Variants in ZBTB7C observed in about 807,000 individuals in gnomAD.
The protein encoded by ZBTB7C is zinc finger and BTB domain containing 7C, also known as zinc finger and BTB domain-containing protein 7C.
Under a neutral mutation model 25.7 loss-of-function variants are expected in ZBTB7C, and 8 were observed. The observed-to-expected ratio is 0.31, with a 90% confidence interval of 0.18 to 0.56. ZBTB7C has a LOEUF of 0.56. Ranked by LOEUF, ZBTB7C falls within the 20% of genes least tolerant of loss-of-function variation. ZBTB7C has a pLI of 0.91. For synonymous variants in ZBTB7C, 394 were observed against 369.0 expected (o/e 1.07, Z -0.78); for missense variants, 824 against 855.2 (o/e 0.96, Z 0.46).
At chr18:48,291,613 G>C (rs559401370) in intron 2 of ZBTB7C, among the ~76,000 whole-genome samples, 1 of 152,216 alleles carries the variant, frequency 6.6e-6, no homozygotes, top group Admixed American at 6.5e-5. Context: ...GTGGCACTGC[G>C]AATTTGGAAA....
intron 2 of ZBTB7C, among the ~76,000 whole-genome samples, chr18:48,289,006 A>G (rs1381880684): frequency 6.6e-6 from 1 of 152,168 alleles, no homozygotes; most frequent in Non-Finnish European, 1.5e-5. Flanking sequence ...CATTTATTGA[A>G]CTCAAAAAGT....
At chr18:48,163,541 G>GGAA (rs1317272897) in intron 3 of ZBTB7C, among the ~76,000 whole-genome samples, 1 of 152,212 alleles carries the variant, frequency 6.6e-6, no homozygotes, top group East Asian at 1.9e-4. Context: ...AAGTAGCTCA[G>GGAA]GAAGACCAGC....
In ZBTB7C at chr18:48,029,640, C is replaced by T. The variant is rs559997459; in HGVS notation, c.1480G>A (p.Gly494Arg). 6 of 1,530,018 alleles carry T rather than the reference C, an allele frequency of 3.9e-6. No individual in the cohort carries two copies. Among genetic ancestry groups the T allele is most frequent in the East Asian group, 2.4e-5 (1 of 41,418 alleles). 94.8% of individuals were successfully genotyped at this position (1,530,018 alleles called of 1,614,324 possible). The change falls in exon 5 of 5, where the codon GGG becomes AGG. Residue 494 changes from glycine (G) to arginine (R), a missense_variant. Physicochemically the swap from Gly to Arg is moderately radical, Grantham distance 125. Coordinates refer to ENST00000590800, the MANE Select transcript of ZBTB7C (RefSeq NM_001318841.2). ...AAWRAASLLF[G>R]PGGPAPDKAA... Reference sequence around the variant, plus strand: ...TTGTCGGGGGCCGGGCCGCCGGGCCCGAAGAGCAGGCTGGCGGCCCTCCAC... The same window carrying T: ...TTGTCGGGGGCCGGGCCGCCGGGCCTGAAGAGCAGGCTGGCGGCCCTCCAC...
intron 3 of ZBTB7C, among the ~76,000 whole-genome samples, chr18:48,167,740 G>A (rs139368572): frequency 2.6e-4 from 39 of 152,304 alleles, no homozygotes; most frequent in African/African-American, 8.7e-4. Flanking sequence ...CTGGTTACCC[G>A]AGTTTCTTGC....
In ZBTB7C at chr18:48,344,763, A is replaced by G. The variant is rs1598916121; in HGVS notation, c.-303-6365T>C. On this transcript the variant is annotated intron_variant, in intron 1 of 4. Transcript: ENST00000590800. ...AAAAAGCAGACTACCAATTATATGG[A>G]TACTATGTCTTCAACGCCGCCAAAT... Among the ~76,000 whole-genome samples, 5 of 152,376 alleles carry G rather than the reference A, an allele frequency of 3.3e-5. No individual in the cohort carries two copies. In the East Asian group the frequency reaches 9.6e-4, roughly 29 times the overall value.
rs186411776 is a variant in ZBTB7C, at chr18:48,393,925, T to C, written c.-304+15301A>G. Among the ~76,000 whole-genome samples the C allele has an allele frequency of 1.5e-3, 229 of 152,140 alleles. 2 individuals carry two copies. In the South Asian group the frequency reaches 0.026, roughly 17 times the overall value. On this transcript the variant is annotated intron_variant, in intron 1 of 4. Transcript: ENST00000590800. Reference sequence around the variant, plus strand: ...GCAGCATTTACTTTCTAATTGAGCATCAAAAGAGCAAAGCAGAGGACACAA... The same window carrying C: ...GCAGCATTTACTTTCTAATTGAGCACCAAAAGAGCAAAGCAGAGGACACAA...
intron 2 of ZBTB7C, among the ~76,000 whole-genome samples, chr18:48,336,962 G>T (rs185094200): frequency 2.0e-5 from 3 of 152,194 alleles, no homozygotes; most frequent in African/African-American, 7.2e-5. Flanking sequence ...CCTTGCCAGA[G>T]ACCCTGGAGC....
At chr18:48,274,936 A>G (rs996005903) in intron 2 of ZBTB7C, among the ~76,000 whole-genome samples, 2 of 152,136 alleles carry the variant, frequency 1.3e-5, no homozygotes, top group African/African-American at 4.8e-5. Flanking sequence ...CCCTCCCGCT[A>G]CAACACACAC....
chr18:48,139,556 G>T (rs2040277962), intron 3 of ZBTB7C, among the ~76,000 whole-genome samples: 1 of 152,114 alleles, frequency 6.6e-6, no homozygotes, highest in South Asian at 2.1e-4. Flanking sequence ...AGCCTGGGGA[G>T]AGCTGGCTGC....
intron 3 of ZBTB7C, among the ~76,000 whole-genome samples, chr18:48,073,019 T>C (rs1419210976): frequency 1.3e-5 from 2 of 152,178 alleles, no homozygotes; most frequent in African/African-American, 4.8e-5. Flanking sequence ...GGGATCCTAT[T>C]TAACAGCACA....
intron 1 of ZBTB7C, among the ~76,000 whole-genome samples, chr18:48,402,726 G>A (rs1042719185): frequency 1.6e-4 from 25 of 152,120 alleles, no homozygotes; most frequent in African/African-American, 6.0e-4. Flanking sequence ...TATATTTTAT[G>A]TGTGTGTTTA....
intron 2 of ZBTB7C, among the ~76,000 whole-genome samples, chr18:48,190,756 A>C (rs922636940): frequency 7.9e-5 from 12 of 152,214 alleles, no homozygotes; most frequent in Admixed American, 6.5e-4. Flanking sequence ...CACAGTGCAG[A>C]GCCCACTGCA....
chr18:48,152,902 T>C (rs78313897), intron 3 of ZBTB7C, among the ~76,000 whole-genome samples: 16,239 of 152,264 alleles, frequency 0.11, 1,120 homozygotes, highest in Admixed American at 0.16. Flanking sequence ...ATAACTTCCA[T>C]TTCACAAGGG....
intron 2 of ZBTB7C, among the ~76,000 whole-genome samples, chr18:48,279,017 C>T (rs1808980569): frequency 6.6e-6 from 1 of 151,778 alleles, no homozygotes; most frequent in African/African-American, 2.4e-5. Flanking sequence ...ACAGACAAAG[C>T]CCTTAAACTG....
intron 4 of ZBTB7C, among the ~76,000 whole-genome samples, chr18:48,036,810 G>A (rs1430429195): frequency 6.6e-6 from 1 of 152,158 alleles, no homozygotes; most frequent in Non-Finnish European, 1.5e-5. Flanking sequence ...AATCGCGTTG[G>A]GGAATTCAGC....
chr18:48,314,674 C>G (rs569744899), intron 2 of ZBTB7C, among the ~76,000 whole-genome samples: 1 of 152,084 alleles, frequency 6.6e-6, no homozygotes. Context: ...CCAGAAATCC[C>G]CTTCAACAAG....
chr18:48,094,987 C>T lies in ZBTB7C; in HGVS notation c.-16-53864G>A, dbSNP rs185735252. On this transcript the variant is annotated intron_variant, in intron 3 of 4. Coordinates refer to ENST00000590800, the MANE Select transcript of ZBTB7C (RefSeq NM_001318841.2). Reference sequence around the variant, plus strand: ...AGTAATTGTGTTTTCAACCACATTTCACAGCACTTTTCAACCTGGCAAGGC... The same window carrying T: ...AGTAATTGTGTTTTCAACCACATTTTACAGCACTTTTCAACCTGGCAAGGC... Among the ~76,000 whole-genome samples the T allele has an allele frequency of 1.9e-4, 29 of 152,254 alleles. No individual in the cohort carries two copies. The East Asian group carries it at 5.2e-3, about 27-fold the overall frequency.
intron 2 of ZBTB7C, among the ~76,000 whole-genome samples, chr18:48,262,829 C>A (rs552628091): frequency 3.1e-4 from 47 of 152,258 alleles, no homozygotes; most frequent in African/African-American, 7.9e-4. Flanking sequence ...CAGAGCATGC[C>A]CCAGACCAGT....
chr18:48,256,966 T>C (rs2044039026), intron 2 of ZBTB7C, among the ~76,000 whole-genome samples: 2 of 151,658 alleles, frequency 1.3e-5, no homozygotes, highest in Non-Finnish European at 2.9e-5. Flanking sequence ...AGAGGTGAGA[T>C]GAATAGAAAA....
Sources: allele counts gnomAD v4.1 joint callset (sites outside exome capture counted in the v4.1 genomes callset), GRCh38; gene constraint gnomAD v4.1.1; transcripts MANE v1.5; gene names NCBI Gene and HGNC (gene_info 2026-07-23, HGNC 2026-07-21).